The following TRPM3 variants were observed in gnomAD, a reference collection of about 807,000 sequenced individuals.
TRPM3 encodes long transient receptor potential channel 3.
Under a neutral mutation model 181.2 loss-of-function variants are expected in TRPM3, and 77 were observed. That is an observed-to-expected ratio of 0.42 (90% CI 0.35 to 0.51). TRPM3 has a LOEUF of 0.51. Among genes scored for constraint, TRPM3 ranks in the 20% least tolerant of loss-of-function variants. TRPM3 has a pLI of 0.01. For missense variants in TRPM3, 1,759 were observed against 2,196.7 expected (o/e 0.80, Z 3.98); for synonymous variants, 745 against 796.4 (o/e 0.94, Z 1.09).
intron 1 of TRPM3, among the ~76,000 whole-genome samples, chr9:71,082,501 TA>T (rs1347301726): frequency 6.6e-6 from 1 of 152,106 alleles, no homozygotes; most frequent in African/African-American, 2.4e-5. Context: ...TCTAGGTAAA[TA>T]AAGGGAATCT....
At chr9:71,118,173 T>C (rs1348639380) in intron 1 of TRPM3, among the ~76,000 whole-genome samples, 1 of 152,218 alleles carries the variant, frequency 6.6e-6, no homozygotes, top group African/African-American at 2.4e-5. Context: ...AAACAGGCTC[T>C]GTCTTTTGGC....
rs117834834 is a variant in TRPM3, at chr9:71,349,296, A to T, written c.183+97357T>A. ...AAAATTATAAAACTACATATTTTCA[A>T]TATCAGGACCTTGTACTGTTTTGAA... On this transcript the variant is annotated intron_variant, in intron 1 of 24. Transcript: ENST00000357533. Among the ~76,000 whole-genome samples, 770 of 152,338 alleles carry T rather than the reference A, an allele frequency of 5.1e-3. 4 individuals are homozygous for T. The highest frequency in any genetic ancestry group is 7.8e-3 in the Non-Finnish European group (532 of 68,024).
At chr9:71,134,910 G>C (rs1454810348) in intron 1 of TRPM3, among the ~76,000 whole-genome samples, 1 of 152,164 alleles carries the variant, frequency 6.6e-6, no homozygotes, top group Non-Finnish European at 1.5e-5. Context: ...AAATCAGTTG[G>C]GGAAAAATTC....
intron 1 of TRPM3, among the ~76,000 whole-genome samples, chr9:71,111,363 A>G (rs2071037210): frequency 6.6e-6 from 1 of 152,210 alleles, no homozygotes; most frequent in Non-Finnish European, 1.5e-5. Context: ...ATCTATTTTC[A>G]AGGGGAAATG....
chr9:70,785,067 T>C (rs545488603), intron 6 of TRPM3, among the ~76,000 whole-genome samples: 1 of 152,212 alleles, frequency 6.6e-6, no homozygotes, highest in Admixed American at 6.5e-5. Context: ...ATGATTGTCA[T>C]GTTGAATTAC....
At chr9:70,749,795 A>C (rs2075812502) in intron 8 of TRPM3, among the ~76,000 whole-genome samples, 1 of 152,222 alleles carries the variant, frequency 6.6e-6, no homozygotes, top group African/African-American at 2.4e-5. Flanking sequence ...AACATAATTA[A>C]ATATGAGCTA....
intron 5 of TRPM3, among the ~76,000 whole-genome samples, chr9:70,840,648 A>C (rs1248404869): frequency 6.6e-6 from 1 of 152,192 alleles, no homozygotes; most frequent in Non-Finnish European, 1.5e-5. Flanking sequence ...TGAAGGGAGA[A>C]GTTGAAGTCA....
chr9:70,965,349 C>A (rs1173922367), intron 1 of TRPM3, among the ~76,000 whole-genome samples: 1 of 152,044 alleles, frequency 6.6e-6, no homozygotes, highest in African/African-American at 2.4e-5. Flanking sequence ...TAAATTAGAA[C>A]TGTTGCATTT....
chr9:70,591,731 C>A (rs558462954), intron 21 of TRPM3, among the ~76,000 whole-genome samples: 1 of 152,154 alleles, frequency 6.6e-6, no homozygotes, highest in Non-Finnish European at 1.5e-5. Flanking sequence ...AAAACAACAA[C>A]AACAAAAACT....
At chr9:70,850,478 G>T (rs551454922) in intron 3 of TRPM3, among the ~76,000 whole-genome samples, 123 of 152,276 alleles carry the variant, frequency 8.1e-4, no homozygotes, top group Non-Finnish European at 1.5e-3. Context: ...CTTTGGAGGT[G>T]TTGGGTAAGT....
intron 1 of TRPM3, among the ~76,000 whole-genome samples, chr9:71,382,059 G>A (rs777276999): frequency 5.3e-5 from 8 of 152,132 alleles, no homozygotes; most frequent in Non-Finnish European, 8.8e-5. Context: ...ACACAATTTA[G>A]TAAAGTGTTT....
intron 1 of TRPM3, among the ~76,000 whole-genome samples, chr9:71,276,901 C>T (rs1391610739): frequency 6.6e-6 from 1 of 152,070 alleles, no homozygotes; most frequent in Non-Finnish European, 1.5e-5. Flanking sequence ...CCCATGTGTG[C>T]CTCATAAGTA....
chr9:70,813,924 T>A (rs1018372372), intron 6 of TRPM3, among the ~76,000 whole-genome samples: 2 of 152,210 alleles, frequency 1.3e-5, no homozygotes, highest in Non-Finnish European at 2.9e-5. Flanking sequence ...ACACTAGTTG[T>A]TATTAACTTA....
chr9:70,814,855 C>T (rs1418235568), intron 6 of TRPM3, among the ~76,000 whole-genome samples: 1 of 151,810 alleles, frequency 6.6e-6, no homozygotes, highest in Non-Finnish European at 1.5e-5. Flanking sequence ...TCCCTTCCCT[C>T]TCTCCCTTCC....
At chr9:71,140,728 T>C (rs1303424211) in intron 1 of TRPM3, among the ~76,000 whole-genome samples, 15 of 152,114 alleles carry the variant, frequency 9.9e-5, no homozygotes, top group Non-Finnish European at 2.2e-4. Context: ...GTAGCAAGGG[T>C]AAAGATAAAC....
chr9:70,960,808 C>T (rs987180567), intron 1 of TRPM3, among the ~76,000 whole-genome samples: 1 of 152,140 alleles, frequency 6.6e-6, no homozygotes, highest in South Asian at 2.1e-4. Flanking sequence ...TCCTCATCTC[C>T]GTGTTTCCCT....
Position 70,841,661 on chromosome 9 carries a change from T to TATATATATAA in TRPM3, c.801+1341_801+1342insTTATATATAT, listed in dbSNP as rs1339698170. 3.2e-3 allele frequency among the ~76,000 whole-genome samples: 272 copies of TATATATATAA among 86,036 alleles called. 6 individuals are homozygous for TATATATATAA. The highest frequency in any genetic ancestry group is 1.0e-2 in the African/African-American group (210 of 21,010). The allele number at this position is 86,036 out of a possible 152,430, so 56.4% of individuals were successfully genotyped here. ...ATATATATATATATATATATATATATCCCACCATATATATGTATATATAGA... is the reference window on the plus strand; with the variant it reads ...ATATATATATATATATATATATATATATATATATAACCCACCATATATATGTATATATAGA... On this transcript the variant is annotated intron_variant, in intron 5 of 25. Coordinates refer to ENST00000677713, the MANE Select transcript of TRPM3 (RefSeq NM_001366145.2).
intron 1 of TRPM3, among the ~76,000 whole-genome samples, chr9:71,261,559 T>C (rs1055812000): frequency 2.0e-5 from 3 of 152,102 alleles, no homozygotes; most frequent in South Asian, 2.1e-4. Context: ...TGGCGAGGAG[T>C]TGTGATCCTT....
chr9:70,638,673 A>G (rs981920158), intron 11 of TRPM3, among the ~76,000 whole-genome samples: 1 of 152,196 alleles, frequency 6.6e-6, no homozygotes, highest in Non-Finnish European at 1.5e-5. Context: ...AGGATAAAAA[A>G]TGGCGCAGGT....
Sources: allele counts gnomAD v4.1 joint callset (sites outside exome capture counted in the v4.1 genomes callset), GRCh38; gene constraint gnomAD v4.1.1; transcripts MANE v1.5; gene names NCBI Gene and HGNC (gene_info 2026-07-23, HGNC 2026-07-21).